Variants in SMC1A observed in about 807,000 individuals in gnomAD.
SMC1A encodes the protein structural maintenance of chromosomes protein 1A.
Under a neutral mutation model 94.5 loss-of-function variants are expected in SMC1A, and 4 were observed. The observed-to-expected ratio is 0.04, with a 90% CI of 0.02 to 0.10. The LOEUF (loss-of-function observed/expected upper bound fraction) is 0.10. Among genes scored for constraint, SMC1A ranks in the 10% least tolerant of loss-of-function variants. SMC1A has a pLI of 1.00. For missense variants in SMC1A, 304 were observed against 989.0 expected (o/e 0.31, Z 9.29); for synonymous variants, 345 against 347.7 (o/e 0.99, Z 0.09).
At chrX:53,380,458 G>A (rs895687218) in intron 24 of SMC1A, among the ~76,000 whole-genome samples, 162 bp downstream of exon 24, 1 of 111,742 alleles carries the variant, frequency 8.9e-6, no homozygotes, top group Non-Finnish European at 1.9e-5. Context: ...TGGCTGGGCT[G>A]GCTAAGCCTC....
intron 1 of SMC1A, 71 bp downstream of exon 1, chrX:53,422,421 T>C (rs1199123106): frequency 1.4e-6 from 1 of 735,473 alleles, no homozygotes; most frequent in East Asian, 3.2e-5. Flanking sequence ...TGGGCTGGGT[T>C]GTACTACTCC....
chrX:53,409,516 C>T lies in SMC1A; in HGVS notation c.1255-13G>A. 2 of 1,193,695 alleles carry T rather than the reference C, an allele frequency of 1.7e-6. No individual in the cohort carries two copies. The highest frequency in any genetic ancestry group is 2.3e-6 in the Non-Finnish European group (2 of 879,183). The stretch of plus-strand genomic sequence containing the variant: ...GCTTGATCTTGGCCTGGGAAACAAA[C>T]ATTCCATCATCAGGGGCTGCACGAG... On this transcript the variant is annotated splice_polypyrimidine_tract_variant and intron_variant, in intron 7 of 24. Transcript: ENST00000322213.
In SMC1A at chrX:53,403,901, C is replaced by A; in HGVS notation, c.2197-8G>T. ...CTCCAGCTTGGATTTTTCCTACAGG[C>A]AATGGGTTGAGAGGACAAAGCAGAC... On this transcript the variant is annotated splice_region_variant and splice_polypyrimidine_tract_variant and intron_variant, in intron 13 of 24. Transcript: ENST00000322213. 8.7e-7 allele frequency: 1 copy of A among 1,155,729 alleles called. No individual in the cohort carries two copies. Among genetic ancestry groups the A allele is most frequent in the Non-Finnish European group, 1.2e-6 (1 of 844,298 alleles).
intron 19 of SMC1A, among the ~76,000 whole-genome samples, chrX:53,384,183 G>A (rs1339814803): frequency 9.0e-6 from 1 of 111,198 alleles, no homozygotes; most frequent in Non-Finnish European, 1.9e-5. Flanking sequence ...AAAAATTAAG[G>A]TAGGCTTCCA....
chrX:53,421,918 G>A, intron 1 of SMC1A: 1 of 1,206,839 alleles, frequency 8.3e-7, no homozygotes, highest in Non-Finnish European at 1.1e-6. Flanking sequence ...GTGGGGGGTG[G>A]GGATCGACAC....
intron 18 of SMC1A, 137 bp downstream of exon 18, chrX:53,396,090 G>T: frequency 1.3e-6 from 1 of 748,839 alleles, no homozygotes; most frequent in Non-Finnish European, 2.1e-6. Flanking sequence ...CCTCATTTCT[G>T]CTGCATCCCT....
intron 13 of SMC1A, among the ~76,000 whole-genome samples, chrX:53,404,305 C>G (rs1569356724): frequency 9.1e-6 from 1 of 109,928 alleles, no homozygotes; most frequent in Non-Finnish European, 1.9e-5. Flanking sequence ...ATTAATATAC[C>G]TAGAACAGTC....
At chrX:53,383,012 G>A in intron 20 of SMC1A, 85 bp downstream of exon 20, 1 of 916,182 alleles carries the variant, frequency 1.1e-6, no homozygotes, top group Non-Finnish European at 1.6e-6. Context: ...GTCAGAACAG[G>A]AACTGCTGTG....
intron 19 of SMC1A, among the ~76,000 whole-genome samples, chrX:53,385,429 C>A (rs781983043): frequency 1.4e-3 from 156 of 107,997 alleles, no homozygotes; most frequent in Non-Finnish European, 2.5e-3. Flanking sequence ...CGCCACCATG[C>A]CCGGCTAATT....
intron 9 of SMC1A, among the ~76,000 whole-genome samples, chrX:53,408,203 C>T (rs2075698152): frequency 9.0e-6 from 1 of 111,417 alleles, no homozygotes; most frequent in African/African-American, 3.3e-5. Flanking sequence ...TGGCGGCGAG[C>T]ACCTGTAATC....
intron 1 of SMC1A, 28 bp downstream of exon 1, chrX:53,422,464 C>T (rs1556892339): frequency 5.0e-6 from 5 of 1,009,022 alleles, no homozygotes; most frequent in Non-Finnish European, 7.0e-6. Flanking sequence ...CCGGGACGTG[C>T]GCAGGGCCGC....
At chrX:53,382,812 A>G in intron 20 of SMC1A, 152 bp from the exon 21 acceptor site, 1 of 676,619 alleles carries the variant, frequency 1.5e-6, no homozygotes, top group Non-Finnish European at 2.2e-6. Context: ...ACTGGATACA[A>G]TGCAGAGCAA....
intron 15 of SMC1A, among the ~76,000 whole-genome samples, chrX:53,400,456 G>A (rs782542470): frequency 2.7e-5 from 3 of 111,632 alleles, no homozygotes; most frequent in Non-Finnish European, 1.9e-5. Flanking sequence ...TTTTAAATGA[G>A]TTAATATGTA....
At chrX:53,415,227 G>T in intron 1 of SMC1A, 58 bp from the exon 2 acceptor site, 2 of 1,016,083 alleles carry the variant, frequency 2.0e-6, no homozygotes, top group Non-Finnish European at 2.8e-6. Flanking sequence ...GAGAGGAAAA[G>T]GAATAAAGAT....
At chrX:53,383,909 T>C (rs1266813737) in intron 19 of SMC1A, among the ~76,000 whole-genome samples, 1 of 111,655 alleles carries the variant, frequency 9.0e-6, no homozygotes, top group African/African-American at 3.3e-5. Context: ...TACTGTAGGA[T>C]GAATGTGAAA....
At chrX:53,384,000 C>T (rs1453247087) in intron 19 of SMC1A, among the ~76,000 whole-genome samples, 2 of 111,886 alleles carry the variant, frequency 1.8e-5, no homozygotes, top group African/African-American at 6.5e-5. Context: ...ACTCCTAACT[C>T]AGAGATCAGG....
intron 21 of SMC1A, 30 bp from the exon 22 acceptor site, chrX:53,382,413 T>C (rs781819133): frequency 8.4e-6 from 10 of 1,196,952 alleles, no homozygotes; most frequent in Non-Finnish European, 1.1e-5. Context: ...TCAGGATCTG[T>C]ATCTGAGACT....
At chrX:53,420,152 T>A (rs1377738282) in intron 1 of SMC1A, among the ~76,000 whole-genome samples, 2 of 112,292 alleles carry the variant, frequency 1.8e-5, no homozygotes, top group Non-Finnish European at 3.8e-5. Flanking sequence ...TTATCACACC[T>A]CTGTGCCTTA....
intron 3 of SMC1A, 113 bp from the exon 4 acceptor site, chrX:53,413,548 G>C (rs1450617162): frequency 1.5e-6 from 1 of 676,741 alleles, no homozygotes; most frequent in East Asian, 3.5e-5. Context: ...CCATGCCCCT[G>C]CTGCCACATT....
Sources: allele counts gnomAD v4.1 joint callset (sites outside exome capture counted in the v4.1 genomes callset), GRCh38; gene constraint gnomAD v4.1.1; transcripts MANE v1.5; gene names NCBI Gene and HGNC (gene_info 2026-07-23, HGNC 2026-07-21).